GRID2: variants seen among roughly 807,000 people sequenced by gnomAD.
GRID2 encodes the protein glutamate receptor ionotropic, delta-2.
GRID2 carries 33 observed loss-of-function variants against 114.8 expected under a neutral mutation model. The observed-to-expected ratio is 0.29, with a 90% CI of 0.22 to 0.38. The LOEUF (loss-of-function observed/expected upper bound fraction) is 0.38, where lower values mean the gene tolerates loss of function less well. Among genes scored for constraint, GRID2 ranks in the 10% least tolerant of loss-of-function variants. The pLI is 1.00. For missense variants in GRID2, 1,184 were observed against 1,257.7 expected, an observed-to-expected ratio of 0.94 and a Z score of 0.89; for synonymous variants, 505 against 449.9, an observed-to-expected ratio of 1.12 and a Z score of -1.55.
chr4:93,118,929 A>G (rs1354369301), intron 4 of GRID2, among the ~76,000 whole-genome samples: 1 of 152,234 alleles, frequency 6.6e-6, no homozygotes, highest in Non-Finnish European at 1.5e-5. Flanking sequence ...GAAATATTCA[A>G]GAGAAATATT....
At chr4:93,732,179 G>A (rs1730542307) in intron 14 of GRID2, among the ~76,000 whole-genome samples, 1 of 152,148 alleles carries the variant, frequency 6.6e-6, no homozygotes, top group Non-Finnish European at 1.5e-5. Context: ...TTCCATGGAG[G>A]ATGTGAATCC....
intron 2 of GRID2, among the ~76,000 whole-genome samples, chr4:93,014,818 T>C (rs1001756965): frequency 2.0e-5 from 3 of 152,150 alleles, no homozygotes; most frequent in Non-Finnish European, 4.4e-5. Context: ...ATCATTATCC[T>C]AACTTGTTTT....
At chr4:92,352,461 C>T (rs1047605195) in intron 1 of GRID2, among the ~76,000 whole-genome samples, 12 of 151,728 alleles carry the variant, frequency 7.9e-5, no homozygotes, top group African/African-American at 2.9e-4. Context: ...TCCCATTCTG[C>T]AGGTGGTCCT....
At chr4:92,356,381 T>A (rs916561088) in intron 1 of GRID2, among the ~76,000 whole-genome samples, 16 of 151,504 alleles carry the variant, frequency 1.1e-4, no homozygotes, top group East Asian at 1.9e-4. Flanking sequence ...ATATATTTTT[T>A]AAAAATTAGA....
chr4:92,672,471 T>A (rs1246788922), intron 2 of GRID2, among the ~76,000 whole-genome samples: 2 of 152,140 alleles, frequency 1.3e-5, no homozygotes, highest in East Asian at 3.9e-4. Context: ...CTCCAGTCTT[T>A]TACTTTCAAC....
At chr4:92,886,917 G>T (rs1373066851) in intron 2 of GRID2, among the ~76,000 whole-genome samples, 1 of 151,980 alleles carries the variant, frequency 6.6e-6, no homozygotes, top group African/African-American at 2.4e-5. Context: ...GAGCCACCAC[G>T]ACTGGCCCTT....
At chr4:93,214,256 C>G (rs893682596) in intron 5 of GRID2, among the ~76,000 whole-genome samples, 1 of 151,894 alleles carries the variant, frequency 6.6e-6, no homozygotes, top group African/African-American at 2.4e-5. Flanking sequence ...TTAAAAAATT[C>G]AGAGCATTAG....
At chr4:93,218,315 C>T (rs1167479464) in intron 6 of GRID2, among the ~76,000 whole-genome samples, 1 of 151,924 alleles carries the variant, frequency 6.6e-6, no homozygotes, top group Non-Finnish European at 1.5e-5. Flanking sequence ...GCCTGGGCAG[C>T]ATGGCAAAAC....
intron 8 of GRID2, among the ~76,000 whole-genome samples, chr4:93,297,755 C>T (rs1466695339): frequency 6.6e-6 from 1 of 152,138 alleles, no homozygotes; most frequent in Admixed American, 6.6e-5. Flanking sequence ...ATCTTTTCTT[C>T]AGGTTTGATA....
intron 14 of GRID2, among the ~76,000 whole-genome samples, chr4:93,687,232 C>A (rs1449098548): frequency 6.6e-6 from 1 of 152,084 alleles, no homozygotes; most frequent in African/African-American, 2.4e-5. Flanking sequence ...AGATGGAGTA[C>A]CATCAGTAGA....
intron 2 of GRID2, among the ~76,000 whole-genome samples, chr4:92,989,301 AAT>A (rs1310475027): frequency 1.2e-3 from 89 of 72,156 alleles, no homozygotes; most frequent in African/African-American, 4.5e-3. Context: ...AAAAAAAAAA[AAT>A]AATAATAATA....
At chr4:92,313,958 A>G (rs1408023481) in intron 1 of GRID2, among the ~76,000 whole-genome samples, 1 of 152,130 alleles carries the variant, frequency 6.6e-6, no homozygotes, top group Non-Finnish European at 1.5e-5. Flanking sequence ...GCATTGGTAT[A>G]TATATGTAAT....
At chr4:93,549,832 A>C (rs1178329211) in intron 13 of GRID2, among the ~76,000 whole-genome samples, 1 of 152,186 alleles carries the variant, frequency 6.6e-6, no homozygotes, top group Non-Finnish European at 1.5e-5. Flanking sequence ...AATTCCTTCC[A>C]GAAGGAAAAA....
chr4:93,359,457 A>G (rs1043092428), intron 8 of GRID2, among the ~76,000 whole-genome samples: 9 of 151,762 alleles, frequency 5.9e-5, no homozygotes, highest in African/African-American at 2.2e-4. Flanking sequence ...TAGTTATTTT[A>G]AAATATGCAA....
intron 2 of GRID2, among the ~76,000 whole-genome samples, chr4:92,605,673 T>C (rs1406569825): frequency 6.6e-6 from 1 of 152,094 alleles, no homozygotes; most frequent in African/African-American, 2.4e-5. Flanking sequence ...CTATTTCATA[T>C]GGGAAAGTAA....
At chr4:93,128,041 A>AC (rs1734444723) in intron 4 of GRID2, among the ~76,000 whole-genome samples, 2 of 142,638 alleles carry the variant, frequency 1.4e-5, no homozygotes, top group African/African-American at 5.4e-5. Context: ...AAAAAAAAAA[A>AC]AAAAAAAAAA....
At chr4:92,675,641 C>T (rs2149279617) in intron 2 of GRID2, among the ~76,000 whole-genome samples, 1 of 151,422 alleles carries the variant, frequency 6.6e-6, no homozygotes, top group African/African-American at 2.4e-5. Context: ...AGCTCCGCCT[C>T]CCAGGGTCAT....
intron 4 of GRID2, among the ~76,000 whole-genome samples, chr4:93,180,887 T>C (rs1048503825): frequency 6.6e-6 from 1 of 152,202 alleles, no homozygotes; most frequent in African/African-American, 2.4e-5. Context: ...CATTGAACTG[T>C]TGAACCCTTC....
At chr4:93,411,901 A>T (rs1470282306) in intron 9 of GRID2, among the ~76,000 whole-genome samples, 2 of 151,966 alleles carry the variant, frequency 1.3e-5, no homozygotes, top group Non-Finnish European at 1.5e-5. Context: ...GTTGAAATGC[A>T]AATTAATGTC....
Sources: allele counts gnomAD v4.1 joint callset (sites outside exome capture counted in the v4.1 genomes callset), GRCh38; gene constraint gnomAD v4.1.1; transcripts MANE v1.5; gene names NCBI Gene and HGNC (gene_info 2026-07-23, HGNC 2026-07-21).